Variants in CSGALNACT1 observed in about 807,000 individuals in gnomAD.
CSGALNACT1 encodes chondroitin sulfate N-acetylgalactosaminyltransferase 1.
CSGALNACT1 carries 52 observed loss-of-function variants against 51.0 expected under a neutral mutation model. That is an observed-to-expected ratio of 1.02 (90% CI 0.82 to 1.29). CSGALNACT1 has a LOEUF of 1.29. Among genes scored for constraint, CSGALNACT1 ranks in the 50% most tolerant of loss-of-function variants. CSGALNACT1 has a pLI of 0.00. For synonymous variants in CSGALNACT1, 341 were observed against 254.4 expected, an observed-to-expected ratio of 1.34 and a Z score of -3.24; for missense variants, 935 against 679.2, an observed-to-expected ratio of 1.38 and a Z score of -4.19.
chr8:19,514,474 A>AATATAT (rs2079080988), intron 3 of CSGALNACT1, among the ~76,000 whole-genome samples: 1 of 48,732 alleles, frequency 2.1e-5, no homozygotes, highest in African/African-American at 1.2e-4. Flanking sequence ...TTGAACAGAG[A>AATATAT]CTATATATAT....
rs183613319 is a variant in CSGALNACT1, at chr8:19,753,355, T to A, written c.-297+4495A>T. Among the ~76,000 whole-genome samples the A allele has an allele frequency of 4.1e-3, 621 of 151,970 alleles. 1 individual carries two copies. Among genetic ancestry groups the A allele is most frequent in the Middle Eastern group, 0.01 (3 of 294 alleles). On this transcript the variant is annotated intron_variant, in intron 1 of 1. Transcript: ENST00000517494. ...ATTACTGACCTAGACCTTGATTTTT[T>A]AAAAAAAACCAGATTGTCTTACCGT...
chr8:19,655,435 A>T (rs2058174345), intron 1 of CSGALNACT1, among the ~76,000 whole-genome samples: 1 of 152,082 alleles, frequency 6.6e-6, no homozygotes, highest in African/African-American at 2.4e-5. Flanking sequence ...ATCATGGCTC[A>T]CTGCAGCCTT....
At chr8:19,557,715 C>T (rs2154092317) in intron 3 of CSGALNACT1, among the ~76,000 whole-genome samples, 1 of 152,312 alleles carries the variant, frequency 6.6e-6, no homozygotes, top group South Asian at 2.1e-4. Flanking sequence ...AACTCTGTTT[C>T]CTTTCCTTGC....
rs186483342 is a variant in CSGALNACT1 at position 19,599,367 on chromosome 8, C to T, written c.-416+2404G>A. Among the ~76,000 whole-genome samples the T allele has an allele frequency of 2.2e-3, 335 of 149,558 alleles. 1 individual carries two copies. Among genetic ancestry groups the T allele is most frequent in the African/African-American group, 7.9e-3 (318 of 40,422 alleles). On this transcript the variant is annotated intron_variant, in intron 2 of 9. Transcript: ENST00000454498. The stretch of plus-strand genomic sequence containing the variant: ...TGAGCAGAGGCCAAGCATGGTGGCT[C>T]ACACCTGTAATCCCAGCACTTTGGG...
intron 3 of CSGALNACT1, among the ~76,000 whole-genome samples, chr8:19,544,173 T>G (rs1018353559): frequency 6.6e-6 from 1 of 152,170 alleles, no homozygotes; most frequent in Admixed American, 6.5e-5. Context: ...ACTATAGATT[T>G]AGACAGAGCC....
chr8:19,642,564 A>G (rs1045646411), intron 1 of CSGALNACT1, among the ~76,000 whole-genome samples: 1 of 152,104 alleles, frequency 6.6e-6, no homozygotes, highest in Non-Finnish European at 1.5e-5. Flanking sequence ...TGAGCTCAGG[A>G]GTTTGAGACC....
At chr8:19,680,424 C>T (rs902505779) in intron 1 of CSGALNACT1, among the ~76,000 whole-genome samples, 2 of 151,832 alleles carry the variant, frequency 1.3e-5, no homozygotes, top group African/African-American at 4.8e-5. Flanking sequence ...GGTGTGGTGG[C>T]GGGTGCCTGT....
intron 8 of CSGALNACT1, among the ~76,000 whole-genome samples, chr8:19,418,369 C>G (rs1426786730): frequency 6.6e-6 from 1 of 152,138 alleles, no homozygotes; most frequent in Non-Finnish European, 1.5e-5. Flanking sequence ...TGTACTGCAT[C>G]CATAATGCAA....
At chr8:19,577,043 C>A (rs79494391) in intron 3 of CSGALNACT1, among the ~76,000 whole-genome samples, 3,602 of 151,994 alleles carry the variant, frequency 0.024, 153 homozygotes, top group African/African-American at 0.082. Flanking sequence ...TCCAAACCCC[C>A]TTAGACTCTG....
At chr8:19,663,968 A>G (rs927621721) in intron 1 of CSGALNACT1, among the ~76,000 whole-genome samples, 1 of 152,206 alleles carries the variant, frequency 6.6e-6, no homozygotes, top group Non-Finnish European at 1.5e-5. Context: ...AAGTGACACC[A>G]TCTTCACAGA....
chr8:19,484,084 C>G (rs1452482298), intron 4 of CSGALNACT1, among the ~76,000 whole-genome samples: 1 of 152,160 alleles, frequency 6.6e-6, no homozygotes, highest in Non-Finnish European at 1.5e-5. Flanking sequence ...CCATTAGTCT[C>G]TTAGGAGCTG....
intron 3 of CSGALNACT1, among the ~76,000 whole-genome samples, chr8:19,590,743 G>T (rs1284341350): frequency 6.8e-6 from 1 of 146,408 alleles, no homozygotes; most frequent in Non-Finnish European, 1.5e-5. Context: ...TCCACCTTCT[G>T]GGTTCAAGCA....
intron 3 of CSGALNACT1, among the ~76,000 whole-genome samples, chr8:19,506,644 A>T (rs1487644173): frequency 6.6e-6 from 1 of 152,142 alleles, no homozygotes; most frequent in Non-Finnish European, 1.5e-5. Context: ...CCTCAGGCAT[A>T]GCTTAGTGCC....
intron 5 of CSGALNACT1, among the ~76,000 whole-genome samples, chr8:19,447,539 C>T (rs1459035273): frequency 1.3e-5 from 2 of 152,164 alleles, no homozygotes; most frequent in East Asian, 1.9e-4. Context: ...AGTTTAGACC[C>T]ACTAACTATT....
chr8:19,505,713 T>C (rs2077205899), exon 4 of CSGALNACT1: 1 of 1,614,228 alleles, frequency 6.2e-7, no homozygotes, highest in South Asian at 1.1e-5. Context: ...TGCCAGCTGC[T>C]CCTCGTCACC....
chr8:19,610,871 G>T (rs1403714979), intron 1 of CSGALNACT1, among the ~76,000 whole-genome samples: 1 of 152,224 alleles, frequency 6.6e-6, no homozygotes, highest in African/African-American at 2.4e-5. Flanking sequence ...AACACAAGCC[G>T]CCTACAGACG....
intron 1 of CSGALNACT1, among the ~76,000 whole-genome samples, chr8:19,633,026 C>CCAAAATGCTGAGATCACAAGTGT (rs2055512446): frequency 6.6e-6 from 1 of 151,574 alleles, no homozygotes; most frequent in Non-Finnish European, 1.5e-5. Flanking sequence ...CCTCAGCCTG[C>CCAAAATGCTGAGATCACAAGTGT]CAAAATGCTG....
chr8:19,577,641 C>T (rs1300387297), intron 3 of CSGALNACT1, among the ~76,000 whole-genome samples: 3 of 151,502 alleles, frequency 2.0e-5, no homozygotes, highest in Non-Finnish European at 4.4e-5. Flanking sequence ...TAGTAGGTAT[C>T]AGGTTAGCAT....
upstream of CSGALNACT1, among the ~76,000 whole-genome samples, chr8:19,685,945 G>C (rs1324881624): frequency 6.6e-6 from 1 of 152,022 alleles, no homozygotes; most frequent in South Asian, 2.1e-4. Context: ...GTAAAACTTG[G>C]GTAGTGCCAT....
Sources: gnomAD v4.1 joint callset for allele counts (sites outside exome capture counted in the v4.1 genomes callset) on GRCh38, gnomAD v4.1.1 for gene constraint, MANE v1.5 for transcripts, NCBI Gene and HGNC (gene_info 2026-07-23, HGNC 2026-07-21) for gene names.